CNTN5: variants seen among roughly 807,000 people sequenced by gnomAD.
CNTN5 encodes the protein contactin-5.
A neutral mutation model predicts 129.1 loss-of-function variants in CNTN5; 77 were observed. The ratio of observed to expected loss-of-function variants is 0.60; its 90% confidence interval spans 0.50 to 0.72. The LOEUF is 0.72. Ranked by LOEUF, CNTN5 falls within the 30% of genes least tolerant of loss-of-function variation. CNTN5 has a pLI of 0.00. For synonymous variants in CNTN5, 509 were observed against 465.6 expected, an observed-to-expected ratio of 1.09 and a Z score of -1.20; for missense variants, 1,478 against 1,328.8, an observed-to-expected ratio of 1.11 and a Z score of -1.75.
intron 15 of CNTN5, among the ~76,000 whole-genome samples, chr11:100,211,100 G>C (rs1220237853): frequency 6.6e-6 from 1 of 152,088 alleles, no homozygotes; most frequent in Non-Finnish European, 1.5e-5. Flanking sequence ...TCCTCCATGT[G>C]TCTAGAAGTC....
intron 13 of CNTN5, among the ~76,000 whole-genome samples, chr11:100,148,909 G>A (rs1946950357): frequency 1.3e-5 from 2 of 152,000 alleles, no homozygotes; most frequent in South Asian, 2.1e-4. Flanking sequence ...AAAAAAGAAT[G>A]TTTAATGAAA....
chr11:99,122,820 G>T (rs12276255), intron 1 of CNTN5, among the ~76,000 whole-genome samples: 11,653 of 152,028 alleles, frequency 0.077, 526 homozygotes, highest in African/African-American at 0.12. Context: ...TCCTGTGTTG[G>T]TTTTCTCAGG....
chr11:99,097,985 G>C (rs553599601), intron 1 of CNTN5, among the ~76,000 whole-genome samples: 1 of 151,248 alleles, frequency 6.6e-6, no homozygotes, highest in African/African-American at 2.4e-5. Flanking sequence ...ATTTCTGAGC[G>C]AAAAAAAACT....
intron 1 of CNTN5, among the ~76,000 whole-genome samples, chr11:99,066,998 C>G (rs984525694): frequency 6.6e-6 from 1 of 152,124 alleles, no homozygotes; most frequent in Non-Finnish European, 1.5e-5. Context: ...AAAGATCAAA[C>G]CTTTTATTTC....
chr11:99,420,139 G>C (rs1942825038), intron 2 of CNTN5, among the ~76,000 whole-genome samples: 1 of 152,094 alleles, frequency 6.6e-6, no homozygotes, highest in African/African-American at 2.4e-5. Context: ...CGGATACAAG[G>C]CTGCAGAACC....
chr11:99,780,082 C>A (rs1945260020), intron 3 of CNTN5, among the ~76,000 whole-genome samples: 2 of 152,000 alleles, frequency 1.3e-5, no homozygotes, highest in South Asian at 2.1e-4. Context: ...CTGTCATGAT[C>A]CTTAAAAATG....
intron 2 of CNTN5, among the ~76,000 whole-genome samples, chr11:99,355,254 A>C (rs1444120996): frequency 6.6e-6 from 1 of 152,214 alleles, no homozygotes; most frequent in Non-Finnish European, 1.5e-5. Context: ...CAAATGCTTC[A>C]TAAAGTCAGT....
intron 1 of CNTN5, among the ~76,000 whole-genome samples, chr11:99,100,009 C>A (rs1866646680): frequency 6.6e-6 from 1 of 151,992 alleles, no homozygotes; most frequent in African/African-American, 2.4e-5. Context: ...TGTCTTGGTA[C>A]ATTAAATCGT....
intron 16 of CNTN5, among the ~76,000 whole-genome samples, chr11:100,228,427 A>T (rs1425600836): frequency 6.6e-6 from 1 of 151,904 alleles, no homozygotes; most frequent in African/African-American, 2.4e-5. Context: ...ATCACTTCCT[A>T]TTGCTAACAG....
At chr11:100,161,145 G>T (rs1947431809) in intron 13 of CNTN5, among the ~76,000 whole-genome samples, 1 of 151,786 alleles carries the variant, frequency 6.6e-6, no homozygotes, top group South Asian at 2.1e-4. Context: ...TAATTGTCAA[G>T]TAAGATTAGA....
rs147180367 is a variant in CNTN5, at chr11:99,439,098, C to T, written c.-71+113614C>T. Reference sequence around the variant, plus strand: ...AGTGACCTAAATGATGAGGATTACACATATAAGCATTTGTATAAAAAATGC... The same window carrying T: ...AGTGACCTAAATGATGAGGATTACATATATAAGCATTTGTATAAAAAATGC... On this transcript the variant is annotated intron_variant, in intron 2 of 24. Coordinates refer to ENST00000524871, the MANE Select transcript of CNTN5 (RefSeq NM_014361.4). Among the ~76,000 whole-genome samples the T allele has an allele frequency of 6.2e-3, 946 of 152,284 alleles. 8 individuals carry two copies. Among genetic ancestry groups the T allele is most frequent in the African/African-American group, 0.02 (834 of 41,556 alleles).
intron 3 of CNTN5, among the ~76,000 whole-genome samples, chr11:99,807,986 A>C (rs1421506167): frequency 6.6e-6 from 1 of 152,194 alleles, no homozygotes; most frequent in Non-Finnish European, 1.5e-5. Flanking sequence ...GGAAAGAATT[A>C]GGCGTAGGGA....
intron 3 of CNTN5, among the ~76,000 whole-genome samples, chr11:99,715,812 CT>C (rs1351764495): frequency 6.6e-6 from 1 of 151,590 alleles, no homozygotes; most frequent in Non-Finnish European, 1.5e-5. Flanking sequence ...TGAATTATTC[CT>C]TTCCCTGCCA....
intron 8 of CNTN5, among the ~76,000 whole-genome samples, chr11:99,988,048 C>T (rs1223783670): frequency 6.6e-6 from 1 of 152,194 alleles, no homozygotes; most frequent in African/African-American, 2.4e-5. Flanking sequence ...TGATAATCAG[C>T]ATTCCCCCTC....
chr11:99,404,018 T>A (rs368921054), intron 2 of CNTN5, among the ~76,000 whole-genome samples: 142 of 152,294 alleles, frequency 9.3e-4, no homozygotes, highest in African/African-American at 3.2e-3. Context: ...AATATTGGCT[T>A]TATATACCTG....
chr11:100,234,882 C>T (rs1949577273), intron 16 of CNTN5, among the ~76,000 whole-genome samples: 1 of 150,416 alleles, frequency 6.6e-6, no homozygotes, highest in South Asian at 2.1e-4. Context: ...CTTCTTTCTG[C>T]ATAATCTCTT....
intron 2 of CNTN5, among the ~76,000 whole-genome samples, chr11:99,329,025 A>C (rs890212326): frequency 7.2e-5 from 11 of 152,080 alleles, no homozygotes; most frequent in Non-Finnish European, 7.4e-5. Flanking sequence ...ATTTATCTCT[A>C]TCTGCCAGTT....
chr11:100,223,288 A>G (rs982169085), intron 15 of CNTN5, among the ~76,000 whole-genome samples: 2 of 152,152 alleles, frequency 1.3e-5, no homozygotes, highest in Admixed American at 1.3e-4. Flanking sequence ...AGAAGTTCAG[A>G]TTATAAGACT....
chr11:99,756,960 T>A (rs1048553636), intron 3 of CNTN5, among the ~76,000 whole-genome samples: 13 of 151,622 alleles, frequency 8.6e-5, no homozygotes, highest in Non-Finnish European at 1.5e-4. Context: ...CAACATGTGC[T>A]AATGCCAAAC....
Sources: allele counts gnomAD v4.1 joint callset (sites outside exome capture counted in the v4.1 genomes callset), GRCh38; gene constraint gnomAD v4.1.1; transcripts MANE v1.5; gene names NCBI Gene and HGNC (gene_info 2026-07-23, HGNC 2026-07-21).